ARHGEF10: variants seen among roughly 807,000 people sequenced by gnomAD.
The protein encoded by ARHGEF10 is Rho guanine nucleotide exchange factor (GEF) 10.
A neutral mutation model predicts 147.4 loss-of-function variants in ARHGEF10; 140 were observed. The observed-to-expected ratio is 0.95, with a 90% CI of 0.83 to 1.09. The LOEUF is 1.09. ARHGEF10 is among the 50% of genes least tolerant of loss of function. The pLI, the probability that ARHGEF10 is intolerant of heterozygous loss-of-function variation, is 0.00. For synonymous variants in ARHGEF10, 902 were observed against 695.8 expected, an observed-to-expected ratio of 1.30 and a Z score of -4.67; for missense variants, 2,222 against 1,752.7, an observed-to-expected ratio of 1.27 and a Z score of -4.78.
chr8:1,886,914 G>A (rs1808709529), intron 11 of ARHGEF10, among the ~76,000 whole-genome samples: 2 of 152,164 alleles, frequency 1.3e-5, no homozygotes, highest in African/African-American at 4.8e-5. Context: ...GCTGCCACAC[G>A]TCCAGGGGGG....
chr8:1,921,102 A>T (rs1233259339), intron 18 of ARHGEF10, among the ~76,000 whole-genome samples: 1 of 152,140 alleles, frequency 6.6e-6, no homozygotes, highest in East Asian at 1.9e-4. Flanking sequence ...TTTGTTACGA[A>T]ACTTCATGAT....
chr8:1,904,634 C>G (rs1034670913), intron 16 of ARHGEF10, among the ~76,000 whole-genome samples: 14 of 152,226 alleles, frequency 9.2e-5, no homozygotes, highest in Middle Eastern at 3.4e-3. Flanking sequence ...AGCCCAGAGG[C>G]CCAGGAAGAG....
chr8:1,904,990 G>A (rs913434044), intron 16 of ARHGEF10, among the ~76,000 whole-genome samples: 1 of 152,166 alleles, frequency 6.6e-6, no homozygotes, highest in Non-Finnish European at 1.5e-5. Flanking sequence ...TTAGCTGGGT[G>A]TGGTGGTGCA....
chr8:1,846,417 C>A (rs530732993), intron 2 of ARHGEF10, among the ~76,000 whole-genome samples: 1 of 152,332 alleles, frequency 6.6e-6, no homozygotes, highest in South Asian at 2.1e-4. Context: ...CAACCGTCCA[C>A]TTAAAAGTGC....
chr8:1,923,100 A>G (rs1346090806), intron 19 of ARHGEF10, 21 bp downstream of exon 19: 1 of 1,525,426 alleles, frequency 6.6e-7, no homozygotes. Flanking sequence ...AAGCAATTGG[A>G]TTTAAGATTC....
intron 9 of ARHGEF10, 141 bp from the exon 10 acceptor site, chr8:1,882,494 C>G: frequency 1.3e-6 from 1 of 777,850 alleles, no homozygotes; most frequent in Non-Finnish European, 2.2e-6. Context: ...AAAACCAAAA[C>G]AAAACCTAGC....
At chr8:1,836,429 C>T (rs989675444) in intron 1 of ARHGEF10, among the ~76,000 whole-genome samples, 3 of 152,102 alleles carry the variant, frequency 2.0e-5, no homozygotes, top group Admixed American at 6.5e-5. Context: ...CCATTGAAAA[C>T]GATGCCGGTG....
chr8:1,943,494 C>T (rs577259480), intron 26 of ARHGEF10: 1 of 152,318 alleles, frequency 6.6e-6, no homozygotes, highest in East Asian at 1.9e-4. Flanking sequence ...CTAGAACCAT[C>T]TGGAATCCGA....
chr8:1,896,154 A>T (rs1809953458), intron 13 of ARHGEF10, among the ~76,000 whole-genome samples, 179 bp from the exon 14 acceptor site: 2 of 152,128 alleles, frequency 1.3e-5, no homozygotes, highest in Non-Finnish European at 2.9e-5. Flanking sequence ...CAGCAACTTA[A>T]CTCCTAACAC....
intron 15 of ARHGEF10, among the ~76,000 whole-genome samples, chr8:1,901,708 G>A (rs760625556): frequency 2.1e-4 from 32 of 152,178 alleles, no homozygotes; most frequent in African/African-American, 4.8e-4. Flanking sequence ...TGTCTCCATC[G>A]CACGCCTAGT....
At position 1,888,840 on chromosome 8, in the gene ARHGEF10, A is replaced by G. The variant is rs80198082; in HGVS notation, c.1182+3133A>G. Among the ~76,000 whole-genome samples the G allele has an allele frequency of 7.4e-3, 237 of 32,236 alleles. 19 individuals are homozygous for G. Among genetic ancestry groups the G allele is most frequent in the South Asian group, 0.017 (10 of 604 alleles). The allele number at this position is 32,236 out of a possible 152,430, so 21.1% of individuals were successfully genotyped here. A position where few individuals can be genotyped will look rare whatever the true frequency, so the allele number is the denominator to read the frequency against. The stretch of plus-strand genomic sequence containing the variant: ...TGAGAGTTATGAGGAGACACTGAAT[A>G]GGGTGAGGTTTGTGAGGAGACACTG... On this transcript the variant is annotated intron_variant, in intron 11 of 28. Coordinates refer to ENST00000349830, the MANE Select transcript of ARHGEF10 (RefSeq NM_014629.4).
rs918266847 is a variant in ARHGEF10 at position 1,928,447 on chromosome 8, A to T, written c.2718A>T (p.Gln906His). 1 of 1,614,050 alleles carries T rather than the reference A, an allele frequency of 6.2e-7. No individual in the cohort carries two copies. Among genetic ancestry groups the T allele is most frequent in the Non-Finnish European group, 8.5e-7 (1 of 1,179,960 alleles). Residue 906 changes from glutamine to histidine, a missense_variant, in exon 24 of 29, where the codon CAA becomes CAT. By Grantham distance (24) the Gln-to-His change is conservative (BLOSUM62 0). Coordinates refer to ENST00000349830, the MANE Select transcript of ARHGEF10 (RefSeq NM_014629.4). Reference protein sequence around the residue: ...GFLWIGSCTHQMGQIAIVSFQ... With the variant: ...GFLWIGSCTHHMGQIAIVSFQ... ...TTCAGATCGGAAGTTGCACCCATCA[A>T]ATGGGTCAGATTGCCATCGTCTCGT...
At chr8:1,947,262 T>C (rs1022028959) in intron 27 of ARHGEF10, among the ~76,000 whole-genome samples, 1 of 152,174 alleles carries the variant, frequency 6.6e-6, no homozygotes, top group African/African-American at 2.4e-5. Flanking sequence ...CCACTCGACC[T>C]CCCGTGGGCT....
chr8:1,887,589 G>A (rs1446704411), intron 11 of ARHGEF10, among the ~76,000 whole-genome samples: 2 of 151,408 alleles, frequency 1.3e-5, no homozygotes, highest in Non-Finnish European at 2.9e-5. Flanking sequence ...GTGAGGTGAG[G>A]GGTCTGTGAG....
intron 1 of ARHGEF10, among the ~76,000 whole-genome samples, chr8:1,832,083 T>C (rs1051834710): frequency 1.3e-5 from 2 of 152,044 alleles, no homozygotes; most frequent in South Asian, 4.1e-4. Flanking sequence ...CAGCGGTGGG[T>C]CGAGGGTGGT....
chr8:1,837,033 A>C (rs944622574), intron 1 of ARHGEF10, among the ~76,000 whole-genome samples: 4 of 152,240 alleles, frequency 2.6e-5, no homozygotes, highest in African/African-American at 9.6e-5. Context: ...TCTCAGATAC[A>C]TCTTTATCAG....
intron 9 of ARHGEF10, 48 bp downstream of exon 9, chr8:1,880,212 A>C (rs751228768): frequency 7.3e-7 from 1 of 1,376,416 alleles, no homozygotes; most frequent in South Asian, 1.2e-5. Context: ...GCCGGGCAGT[A>C]AAGAAAAACC....
At chr8:1,876,869 A>AAGAT (rs1807755040) in intron 8 of ARHGEF10, 135 bp downstream of exon 8, 2 of 985,932 alleles carry the variant, frequency 2.0e-6, no homozygotes, top group South Asian at 2.6e-5. Context: ...GGGAAAGCAT[A>AAGAT]AGATATTGGC....
intron 7 of ARHGEF10, among the ~76,000 whole-genome samples, chr8:1,871,409 C>G (rs1472256743): frequency 1.3e-4 from 19 of 151,858 alleles, no homozygotes; most frequent in Non-Finnish European, 2.8e-4. Flanking sequence ...CTCTGTAACT[C>G]ATGGTCAAAG....
Sources: allele counts gnomAD v4.1 joint callset (sites outside exome capture counted in the v4.1 genomes callset), GRCh38; gene constraint gnomAD v4.1.1; transcripts MANE v1.5; gene names NCBI Gene and HGNC (gene_info 2026-07-23, HGNC 2026-07-21).